The following WDR27 variants were observed in gnomAD, a reference collection of about 807,000 sequenced individuals.
The protein encoded by WDR27 is WD repeat domain 27.
WDR27 carries 100 observed loss-of-function variants against 114.4 expected under a neutral mutation model. The ratio of observed to expected loss-of-function variants is 0.87; its 90% CI spans 0.74 to 1.03. WDR27 has a LOEUF of 1.03. Among genes scored for constraint, WDR27 ranks in the 50% least tolerant of loss-of-function variants. WDR27 has a pLI of 0.00. For missense variants in WDR27, 1,129 were observed against 1,092.9 expected (o/e 1.03, Z -0.47); for synonymous variants, 449 against 423.1 (o/e 1.06, Z -0.75).
intron 25 of WDR27, among the ~76,000 whole-genome samples, chr6:169,500,010 T>C (rs1239275742): frequency 1.3e-5 from 2 of 152,160 alleles, no homozygotes; most frequent in East Asian, 3.9e-4. Flanking sequence ...CATACTTAGA[T>C]GGCCGTACTC....
At chr6:169,557,390 C>T (rs752946182) in intron 25 of WDR27, among the ~76,000 whole-genome samples, 3 of 152,132 alleles carry the variant, frequency 2.0e-5, no homozygotes, top group Non-Finnish European at 4.4e-5. Context: ...TGAGGACTGA[C>T]TGGGGACGTG....
chr6:169,515,360 A>C (rs1322895738), intron 25 of WDR27, among the ~76,000 whole-genome samples: 1 of 152,224 alleles, frequency 6.6e-6, no homozygotes, highest in African/African-American at 2.4e-5. Flanking sequence ...GTGCCTTTAA[A>C]ATTAAAAATA....
chr6:169,444,728 A>G, the WDR27 span, among the ~76,000 whole-genome samples: 1 of 152,000 alleles, frequency 6.6e-6, no homozygotes, highest in African/African-American at 2.4e-5. Context: ...AGCTTCAGAA[A>G]CAACCAGATC....
chr6:169,540,108 T>G (rs1386282153), intron 25 of WDR27, among the ~76,000 whole-genome samples: 1 of 152,250 alleles, frequency 6.6e-6, no homozygotes, highest in Non-Finnish European at 1.5e-5. Context: ...ATCATAATTT[T>G]CTTTCTTTTG....
chr6:169,635,666 T>C (rs956115691), intron 19 of WDR27, among the ~76,000 whole-genome samples: 1 of 152,164 alleles, frequency 6.6e-6, no homozygotes, highest in Non-Finnish European at 1.5e-5. Flanking sequence ...TGTCCCTCCA[T>C]GAGAGAAGCA....
the WDR27 span, among the ~76,000 whole-genome samples, chr6:169,435,778 G>C: frequency 6.6e-6 from 1 of 152,204 alleles, no homozygotes; most frequent in Non-Finnish European, 1.5e-5. Flanking sequence ...ACTTTGGACT[G>C]TGGTCTTTTG....
chr6:169,649,340 A>C, intron 14 of WDR27, 65 bp from the exon 15 acceptor site: 1 of 1,390,450 alleles, frequency 7.2e-7, no homozygotes, highest in Non-Finnish European at 1.0e-6. Flanking sequence ...TAAGAGATTT[A>C]TATTTTACAG....
the WDR27 span, among the ~76,000 whole-genome samples, chr6:169,430,728 T>C: frequency 6.6e-6 from 1 of 152,226 alleles, no homozygotes; most frequent in South Asian, 2.1e-4. Context: ...ATAGTAATTA[T>C]AAAGAACCTT....
chr6:169,694,075 C>T (rs760398996), intron 1 of WDR27, among the ~76,000 whole-genome samples: 22 of 152,160 alleles, frequency 1.4e-4, no homozygotes, highest in Admixed American at 2.6e-4. Context: ...TTTGGGAGGC[C>T]GAGGTGGGCA....
At chr6:169,429,602 G>A in the WDR27 span, among the ~76,000 whole-genome samples, 1 of 152,026 alleles carries the variant, frequency 6.6e-6, no homozygotes, top group Non-Finnish European at 1.5e-5. Flanking sequence ...GGAAACCAGC[G>A]AATTCCATCC....
chr6:169,689,243 T>C, intron 1 of WDR27: 1 of 394,560 alleles, frequency 2.5e-6, no homozygotes, highest in East Asian at 4.5e-5. Context: ...TAAGCAAACC[T>C]TGACTCAAAT....
chr6:169,496,628 G>A (rs1790443569), intron 25 of WDR27, among the ~76,000 whole-genome samples: 1 of 152,068 alleles, frequency 6.6e-6, no homozygotes, highest in Non-Finnish European at 1.5e-5. Flanking sequence ...AAACTCAATT[G>A]CGTTTGAATA....
the WDR27 span, among the ~76,000 whole-genome samples, chr6:169,428,512 C>T: frequency 7.2e-6 from 1 of 139,348 alleles, no homozygotes; most frequent in East Asian, 2.2e-4. Context: ...TTTCAGAAAA[C>T]AAAATTAATT....
intron 4 of WDR27, chr6:169,669,474 G>C (rs1778140298): frequency 6.6e-6 from 1 of 152,248 alleles, no homozygotes; most frequent in African/African-American, 2.4e-5. Flanking sequence ...CTGGGACCCA[G>C]TATCTTCCTT....
intron 25 of WDR27, among the ~76,000 whole-genome samples, chr6:169,482,673 G>A (rs1305801502): frequency 6.6e-6 from 1 of 152,134 alleles, no homozygotes; most frequent in Non-Finnish European, 1.5e-5. Context: ...CTCAACACTA[G>A]ACCAAACGGA....
intron 18 of WDR27, 141 bp downstream of exon 18, chr6:169,638,398 C>A: frequency 1.2e-6 from 1 of 838,934 alleles, no homozygotes; most frequent in Non-Finnish European, 1.7e-6. Flanking sequence ...AACTTTTAAT[C>A]AGTAACTTTT....
rs531871467 is a variant in WDR27 at position 169,521,681 on chromosome 6, A to G, written c.2645+50738T>C. Among the ~76,000 whole-genome samples the G allele has an allele frequency of 2.6e-5, 4 of 152,000 alleles. No homozygotes were observed. In the South Asian group the frequency reaches 8.3e-4, roughly 31 times the overall value. On this transcript the variant is annotated intron_variant, in intron 25 of 25. Coordinates refer to ENST00000448612, the MANE Select transcript of WDR27 (RefSeq NM_182552.5). ...ATAGATGGAGCTTAAAATGTAGAGT[A>G]TTTTTTTCTTTGTTTCTATTTTTTC...
intron 25 of WDR27, among the ~76,000 whole-genome samples, chr6:169,499,635 T>C (rs1790871025): frequency 6.6e-6 from 1 of 152,212 alleles, no homozygotes; most frequent in Non-Finnish European, 1.5e-5. Context: ...AATACATTTG[T>C]GAGCACAGAA....
chr6:169,596,752 T>C (rs1348156212), intron 23 of WDR27, among the ~76,000 whole-genome samples: 1 of 152,144 alleles, frequency 6.6e-6, no homozygotes, highest in African/African-American at 2.4e-5. Context: ...CATAAGATCT[T>C]GGTTCTACAT....
Sources: gnomAD v4.1 joint callset for allele counts (sites outside exome capture counted in the v4.1 genomes callset) on GRCh38, gnomAD v4.1.1 for gene constraint, MANE v1.5 for transcripts, NCBI Gene and HGNC (gene_info 2026-07-23, HGNC 2026-07-21) for gene names.